The following STPG1 variants were observed in gnomAD, a reference collection of about 807,000 sequenced individuals.
STPG1 encodes O(6)-methylguanine-induced apoptosis 2.
A neutral mutation model predicts 40.1 loss-of-function variants in STPG1; 33 were observed. The observed-to-expected ratio is 0.82, with a 90% CI of 0.62 to 1.10. The LOEUF (loss-of-function observed/expected upper bound fraction) is 1.10, where lower values mean the gene tolerates loss of function less well. Ranked by LOEUF, STPG1 falls within the 50% of genes least tolerant of loss-of-function variation. The pLI is 0.00. For synonymous variants in STPG1, 150 were observed against 155.0 expected (o/e 0.97, Z 0.24); for missense variants, 396 against 415.1 (o/e 0.95, Z 0.40).
intron 1 of STPG1, among the ~76,000 whole-genome samples, chr1:24,408,403 C>T (rs925800577): frequency 1.3e-5 from 2 of 152,308 alleles, no homozygotes; most frequent in East Asian, 1.9e-4. Context: ...TACTGCTCAG[C>T]CAAAAACTTA....
intron 8 of STPG1, among the ~76,000 whole-genome samples, chr1:24,360,337 T>C (rs888156957): frequency 2.0e-5 from 3 of 152,196 alleles, no homozygotes; most frequent in South Asian, 2.1e-4. Flanking sequence ...TAATTCCAGC[T>C]ACTTGGGAGG....
chr1:24,372,896 TATA>T (rs1264437794), intron 6 of STPG1, among the ~76,000 whole-genome samples: 7 of 152,026 alleles, frequency 4.6e-5, no homozygotes. Context: ...GATAATCTAA[TATA>T]ATAAGTGCTC....
intron 6 of STPG1, among the ~76,000 whole-genome samples, chr1:24,370,537 G>A (rs1354921684): frequency 1.3e-5 from 2 of 152,116 alleles, no homozygotes; most frequent in Non-Finnish European, 1.5e-5. Flanking sequence ...TGTCGCCCAG[G>A]CTGGAGTGCA....
chr1:24,409,536 T>C lies in STPG1; in HGVS notation c.-69+4138A>G, dbSNP rs188530404. Among the ~76,000 whole-genome samples the C allele has an allele frequency of 1.4e-4, 22 of 152,372 alleles. No homozygotes were observed. In the East Asian group the frequency reaches 3.9e-3, roughly 27 times the overall value. On this transcript the variant is annotated intron_variant, in intron 1 of 8. Coordinates refer to ENST00000337248, the MANE Select transcript of STPG1 (RefSeq NM_001199013.2). ...TTCCTGTTTTACAGTAGTCCACCCT[T>C]GTCTGTAGCTTTATTTTCCAGTTTC...
chr1:24,390,992 C>T (rs1422727716), intron 3 of STPG1, among the ~76,000 whole-genome samples: 2 of 151,846 alleles, frequency 1.3e-5, no homozygotes, highest in African/African-American at 4.8e-5. Context: ...CTTTTCTTTT[C>T]TTTTCTTGTA....
intron 7 of STPG1, among the ~76,000 whole-genome samples, chr1:24,361,967 A>G (rs979632062): frequency 6.6e-6 from 1 of 152,172 alleles, no homozygotes; most frequent in Non-Finnish European, 1.5e-5. Flanking sequence ...TACAGGAATC[A>G]TGCTACTCTC....
chr1:24,376,958 T>G (rs1188189231), intron 5 of STPG1, among the ~76,000 whole-genome samples: 1 of 152,088 alleles, frequency 6.6e-6, no homozygotes, highest in African/African-American at 2.4e-5. Flanking sequence ...GGAAGGAACT[T>G]TTTAAAAAAT....
At chr1:24,402,745 C>CAA (rs4024512) in intron 1 of STPG1, among the ~76,000 whole-genome samples, 6 of 108,048 alleles carry the variant, frequency 5.6e-5, no homozygotes, top group Non-Finnish European at 3.9e-5. Context: ...CAGCCTATCT[C>CAA]AAAAAAAAAA....
chr1:24,365,819 C>T (rs1468438699), intron 7 of STPG1, among the ~76,000 whole-genome samples: 1 of 152,178 alleles, frequency 6.6e-6, no homozygotes, highest in Non-Finnish European at 1.5e-5. Context: ...GACCTCCCTT[C>T]CCCCAGGCCC....
At chr1:24,367,029 A>G (rs1209443216) in intron 7 of STPG1, among the ~76,000 whole-genome samples, 1 of 152,216 alleles carries the variant, frequency 6.6e-6, no homozygotes, top group Non-Finnish European at 1.5e-5. Flanking sequence ...AGAGCCAGCG[A>G]GCCCTAGAAG....
At chr1:24,368,966 A>G (rs1485774213) in intron 7 of STPG1, 1 of 176,576 alleles carries the variant, frequency 5.7e-6, no homozygotes, top group Non-Finnish European at 1.2e-5. Context: ...CGGCCTCCCA[A>G]AGTGCTGGGA....
At chr1:24,377,731 G>A (rs934510754) in intron 5 of STPG1, among the ~76,000 whole-genome samples, 1 of 152,180 alleles carries the variant, frequency 6.6e-6, no homozygotes, top group African/African-American at 2.4e-5. Flanking sequence ...CTGGCACAGA[G>A]GAGCAACAGG....
chr1:24,371,430 A>G (rs1641733356), intron 6 of STPG1, among the ~76,000 whole-genome samples: 1 of 152,014 alleles, frequency 6.6e-6, no homozygotes, highest in South Asian at 2.1e-4. Context: ...TCTACTAAAA[A>G]TATTTAAAAA....
At chr1:24,360,815 T>C (rs1641055528) in intron 8 of STPG1, 36 bp downstream of exon 8, 3 of 1,547,778 alleles carry the variant, frequency 1.9e-6, no homozygotes, top group East Asian at 2.3e-5. Context: ...TTCCAGAAGA[T>C]TTGGTTTTTA....
intron 7 of STPG1, among the ~76,000 whole-genome samples, chr1:24,362,939 A>C (rs1012469423): frequency 6.6e-6 from 1 of 152,220 alleles, no homozygotes; most frequent in African/African-American, 2.4e-5. Flanking sequence ...CTCCCCTTAT[A>C]AATAAAAGCT....
intron 5 of STPG1, among the ~76,000 whole-genome samples, chr1:24,374,281 C>T (rs1277689765): frequency 9.9e-6 from 1 of 100,840 alleles, no homozygotes; most frequent in Admixed American, 1.5e-4. Context: ...TTTTCTGAGA[C>T]AGAGTCTTGC....
intron 7 of STPG1, among the ~76,000 whole-genome samples, chr1:24,367,705 G>A (rs1641541062): frequency 6.6e-6 from 1 of 152,036 alleles, no homozygotes; most frequent in African/African-American, 2.4e-5. Context: ...GTAGAGATGG[G>A]GTTTTGCCAT....
rs1641865792 is a variant in STPG1 at position 24,373,760 on chromosome 1, C to T, written c.513G>A (p.Gly171=). Residue 171 remains glycine, a synonymous_variant, in exon 6 of 9, where the codon GGG becomes GGA. Coordinates refer to ENST00000337248, the MANE Select transcript of STPG1 (RefSeq NM_001199013.2). The part of the protein sequence containing the change: ...KQRNNVCTRA[G]FMSKTQRGSF... Reference sequence around the variant, plus strand: ...ATCCTCTTTGGGTTTTTGACATAAACCCGGCTCGAGTACAGACGTTGTTTC... The same window carrying T: ...ATCCTCTTTGGGTTTTTGACATAAATCCGGCTCGAGTACAGACGTTGTTTC... 1 of 1,612,852 alleles carries T rather than the reference C, an allele frequency of 6.2e-7. No homozygotes were observed. The highest frequency in any genetic ancestry group is 1.7e-5 in the Admixed American group (1 of 59,984).
At chr1:24,411,500 G>A (rs1026339949) in intron 1 of STPG1, 4 of 152,202 alleles carry the variant, frequency 2.6e-5, no homozygotes, top group East Asian at 3.8e-4. Context: ...AGAGTGCAGT[G>A]GTGCAATCAT....
Sources: gnomAD v4.1 joint callset for allele counts (sites outside exome capture counted in the v4.1 genomes callset) on GRCh38, gnomAD v4.1.1 for gene constraint, MANE v1.5 for transcripts, NCBI Gene and HGNC (gene_info 2026-07-23, HGNC 2026-07-21) for gene names.